CPSF6: variants seen among roughly 807,000 people sequenced by gnomAD.
CPSF6 encodes the protein cleavage and polyadenylation specificity factor subunit 6.
CPSF6 carries 10 observed loss-of-function variants against 56.7 expected under a neutral mutation model. The ratio of observed to expected loss-of-function variants is 0.18; its 90% CI spans 0.11 to 0.30. The LOEUF is 0.30. Among genes scored for constraint, CPSF6 ranks in the 10% least tolerant of loss-of-function variants. The pLI is 1.00. For synonymous variants in CPSF6, 248 were observed against 244.8 expected, an observed-to-expected ratio of 1.01 and a Z score of -0.12; for missense variants, 419 against 722.9, an observed-to-expected ratio of 0.58 and a Z score of 4.82.
chr12:69,259,875 A>G (rs1872672233), intron 7 of CPSF6, 169 bp from the exon 8 acceptor site: 1 of 221,902 alleles, frequency 4.5e-6, no homozygotes, highest in Non-Finnish European at 7.6e-6. Context: ...TATCATGAGC[A>G]TGAAAGGCTT....
chr12:69,243,365 A>G (rs988673215), intron 1 of CPSF6, among the ~76,000 whole-genome samples: 5 of 152,180 alleles, frequency 3.3e-5, no homozygotes, highest in African/African-American at 1.2e-4. Flanking sequence ...CTGTTCTACA[A>G]TCATGTGTCG....
In CPSF6 at chr12:69,258,953, C is replaced by A; in HGVS notation, c.1058C>A (p.Pro353Gln). ...LPGPPPGAPP[P>Q]APHVNPAFFP... ...GGACCACCTCCAGGTGCCCCACCGC[C>A]AGCTCCGCATGTGAACCCAGCTTTC... is the stretch of plus-strand genomic sequence containing the variant. Residue 353 changes from proline to glutamine, a missense_variant, in exon 6 of 10, where the codon CCA (proline) becomes CAA (glutamine). By Grantham distance (76) the Pro-to-Gln change is moderately conservative (BLOSUM62 -1). Around this residue, in one of 4 missense-constraint regions of CPSF6, gnomAD observed 211 missense variants for 296.0 expected, o/e 0.71. Coordinates refer to ENST00000435070, the MANE Select transcript of CPSF6 (RefSeq NM_007007.3). The surrounding 1 kb of genome is among the most constrained non-coding windows in gnomAD (Gnocchi z 4.2). 2 of 1,614,118 alleles carry A rather than the reference C, an allele frequency of 1.2e-6. No homozygotes were observed. The highest frequency in any genetic ancestry group is 1.7e-6 in the Non-Finnish European group (2 of 1,180,054).
Position 69,260,134 on chromosome 12 carries a change from T to G in CPSF6, c.1406T>G (p.Leu469Arg). ...KVSADDRCKVLISSLQDCLHG... is the reference protein window; with the variant it reads ...KVSADDRCKVRISSLQDCLHG... ...TCTGCTGATGATCGTTGCAAAGTTC[T>G]TATTAGTTCTTTGCAAGATTGCCTT... is the stretch of plus-strand genomic sequence containing the variant. The change falls in exon 8 of 10, where the codon CTT becomes CGT. Residue 469 changes from leucine (L) to arginine (R), a missense_variant. This residue lies in a region of CPSF6 where 81 missense variants were observed against 193.6 expected (regional missense o/e 0.42). Coordinates refer to ENST00000435070, the MANE Select transcript of CPSF6 (RefSeq NM_007007.3). The G allele has an allele frequency of 6.2e-7, 1 of 1,613,626 alleles. No individual in the cohort carries two copies. Among genetic ancestry groups the G allele is most frequent in the Non-Finnish European group, 8.5e-7 (1 of 1,179,802 alleles).
chr12:69,264,825 A>G (rs954058478), intron 9 of CPSF6, among the ~76,000 whole-genome samples: 2 of 152,166 alleles, frequency 1.3e-5, no homozygotes, highest in African/African-American at 4.8e-5. Flanking sequence ...AAATTTGATC[A>G]CCATCATAAT....
rs1872590600 is a variant in CPSF6, at chr12:69,258,226, C to A, written c.694+321C>A. On this transcript the variant is annotated intron_variant, in intron 5 of 9. Coordinates refer to ENST00000435070, the MANE Select transcript of CPSF6 (RefSeq NM_007007.3). This position sits in a 1 kb window ranked among gnomAD's most constrained non-coding sequence, Gnocchi z 4.2. The stretch of plus-strand genomic sequence containing the variant: ...TTACTTTCTTACCTCTTAAAAAAAT[C>A]CTTTCAAGATCATTTTTCCTTGTTT... The A allele has an allele frequency of 3.6e-6, 3 of 827,472 alleles. No individual in the cohort carries two copies. In the East Asian group the frequency reaches 8.0e-5, roughly 22 times the overall value. The allele number at this position is 827,472 out of a possible 1,614,324, so 51.3% of individuals were successfully genotyped here. A position where few individuals can be genotyped will look rare whatever the true frequency, so the allele number is the denominator to read the frequency against.
At chr12:69,257,971 C>T (rs1486018565) in intron 5 of CPSF6, 66 bp downstream of exon 5, 9 of 1,576,530 alleles carry the variant, frequency 5.7e-6, no homozygotes, top group Admixed American at 3.5e-5. Flanking sequence ...CCTTTTCTCT[C>T]TTTTTCAAGT....
rs1873310912 is a variant in CPSF6 at position 69,272,868 on chromosome 12, CAGTG to C, written c.*3361_*3364del. Reference sequence around the variant, plus strand: ...AAAGCATTCTATTTTTCTGTTCTTACAGTGTGTGTGTGTGTGTGTGTGTGTGTGT... The same window carrying C: ...AAAGCATTCTATTTTTCTGTTCTTACTGTGTGTGTGTGTGTGTGTGTGTGT... On this transcript the variant is annotated 3_prime_UTR_variant, in exon 10 of 10. Transcript: ENST00000435070. 1 of 131,914 alleles carries C rather than the reference CAGTG, an allele frequency of 7.6e-6. No individual in the cohort carries two copies. Among genetic ancestry groups the C allele is most frequent in the Non-Finnish European group, 1.6e-5 (1 of 61,552 alleles). 8.2% of individuals were successfully genotyped at this position (131,914 alleles called of 1,614,324 possible).
At chr12:69,241,079 T>G (rs772423977) in intron 1 of CPSF6, among the ~76,000 whole-genome samples, 2 of 152,212 alleles carry the variant, frequency 1.3e-5, no homozygotes, top group Non-Finnish European at 2.9e-5. Flanking sequence ...TCAAGAGATC[T>G]TTACTGTTTT....
At chr12:69,264,578 T>G (rs976663797) in intron 9 of CPSF6, among the ~76,000 whole-genome samples, 1 of 152,178 alleles carries the variant, frequency 6.6e-6, no homozygotes, top group Non-Finnish European at 1.5e-5. Flanking sequence ...ATCACTGATG[T>G]ACCATACCAG....
intron 9 of CPSF6, among the ~76,000 whole-genome samples, chr12:69,262,772 T>G (rs1872802156): frequency 6.6e-6 from 1 of 152,182 alleles, no homozygotes; most frequent in African/African-American, 2.4e-5. Context: ...TATTGCTGAG[T>G]TATCACTTTC....
chr12:69,265,873 A>G (rs1872956143), intron 9 of CPSF6, among the ~76,000 whole-genome samples: 1 of 151,838 alleles, frequency 6.6e-6, no homozygotes, highest in South Asian at 2.1e-4. Flanking sequence ...AAGTGCTGGG[A>G]TTGATTACAG....
At chr12:69,257,087 A>G (rs184287166) in intron 4 of CPSF6, among the ~76,000 whole-genome samples, 15 of 152,358 alleles carry the variant, frequency 9.8e-5, no homozygotes, top group Admixed American at 9.8e-4. Context: ...CAAGTTCTAT[A>G]GCCCTGCCAT....
At chr12:69,260,867 C>T (rs892382638) in intron 8 of CPSF6, among the ~76,000 whole-genome samples, 5 of 152,126 alleles carry the variant, frequency 3.3e-5, no homozygotes, top group African/African-American at 1.2e-4. Flanking sequence ...CTCAGCTTGG[C>T]CTCCCAAAGT....
chr12:69,263,408 A>ATT (rs1246868064), intron 9 of CPSF6, among the ~76,000 whole-genome samples: 1 of 152,010 alleles, frequency 6.6e-6, no homozygotes, highest in Non-Finnish European at 1.5e-5. Flanking sequence ...TTCACATGTA[A>ATT]TTTTATTTTT....
At chr12:69,245,536 A>G (rs1290818850) in intron 1 of CPSF6, among the ~76,000 whole-genome samples, 1 of 152,202 alleles carries the variant, frequency 6.6e-6, no homozygotes. Flanking sequence ...AGAGGGGACT[A>G]CTATAATTAT....
chr12:69,261,545 A>G (rs1307907950), intron 8 of CPSF6, among the ~76,000 whole-genome samples: 1 of 152,118 alleles, frequency 6.6e-6, no homozygotes, highest in Non-Finnish European at 1.5e-5. Context: ...AGCCTGGGTG[A>G]CAGAGAGAGA....
Position 69,243,395 on chromosome 12 carries a change from T to C in CPSF6, c.60+3689T>C, listed in dbSNP as rs1871725985. Among the ~76,000 whole-genome samples the C allele has an allele frequency of 2.0e-5, 3 of 152,234 alleles. No individual in the cohort carries two copies. The South Asian group carries it at 6.2e-4, about 31-fold the overall frequency. Reference sequence around the variant, plus strand: ...GTGTCGCTTCACGATGGCGGTATGTTCTGAGAAGTCCATCTTAGGTGCTTT... The same window carrying C: ...GTGTCGCTTCACGATGGCGGTATGTCCTGAGAAGTCCATCTTAGGTGCTTT... On this transcript the variant is annotated intron_variant, in intron 1 of 9. Transcript: ENST00000435070.
At chr12:69,257,978 A>G (rs1872581874) in intron 5 of CPSF6, 73 bp downstream of exon 5, 1 of 1,560,128 alleles carries the variant, frequency 6.4e-7, no homozygotes, top group Non-Finnish European at 8.8e-7. Context: ...TCTCTTTTTC[A>G]AGTAATGCAT....
intron 3 of CPSF6, among the ~76,000 whole-genome samples, chr12:69,256,353 T>A (rs1418960427): frequency 6.6e-6 from 1 of 152,246 alleles, no homozygotes; most frequent in Non-Finnish European, 1.5e-5. Context: ...ATATTTTGAA[T>A]GACTGAATTC....
Sources: gnomAD v4.1 joint callset for allele counts (sites outside exome capture counted in the v4.1 genomes callset) on GRCh38, gnomAD v4.1.1 for gene constraint, gnomAD v4.1.1 regional missense constraint, Gnocchi (gnomAD v3.1) non-coding constraint, MANE v1.5 for transcripts, NCBI Gene and HGNC (gene_info 2026-07-23, HGNC 2026-07-21) for gene names.